GALNTL6: variants seen among roughly 807,000 people sequenced by gnomAD.
GALNTL6 encodes the protein polypeptide N-acetylgalactosaminyltransferase like 6.
A neutral mutation model predicts 73.7 loss-of-function variants in GALNTL6; 46 were observed. The observed-to-expected ratio is 0.62, with a 90% CI of 0.49 to 0.80. GALNTL6 has a LOEUF of 0.80. Among genes scored for constraint, GALNTL6 ranks in the 30% least tolerant of loss-of-function variants. The pLI is 0.00. For missense variants in GALNTL6, 604 were observed against 755.0 expected (o/e 0.80, Z 2.34); for synonymous variants, 259 against 263.7 (o/e 0.98, Z 0.17).
chr4:172,365,900 T>C (rs1742542546), intron 5 of GALNTL6, among the ~76,000 whole-genome samples: 1 of 152,026 alleles, frequency 6.6e-6, no homozygotes, highest in African/African-American at 2.4e-5. Flanking sequence ...ATCTTTGTTA[T>C]GTGCAGACCC....
At chr4:172,972,770 A>G (rs1417782890) in intron 10 of GALNTL6, among the ~76,000 whole-genome samples, 1 of 152,224 alleles carries the variant, frequency 6.6e-6, no homozygotes, top group Non-Finnish European at 1.5e-5. Context: ...CTAGAAGGGG[A>G]TCCCACTTGC....
chr4:172,302,077 C>T (rs1739951841), intron 3 of GALNTL6, among the ~76,000 whole-genome samples: 1 of 152,214 alleles, frequency 6.6e-6, no homozygotes, highest in African/African-American at 2.4e-5. Flanking sequence ...GGCGGGCACC[C>T]CTTCCCCAGC....
chr4:171,899,165 C>T (rs2110939751), intron 2 of GALNTL6, among the ~76,000 whole-genome samples: 1 of 121,646 alleles, frequency 8.2e-6, no homozygotes, highest in Admixed American at 7.8e-5. Context: ...AAAACATTTT[C>T]CAGCAGATTT....
intron 2 of GALNTL6, among the ~76,000 whole-genome samples, chr4:171,998,695 T>C (rs1230101488): frequency 1.3e-5 from 2 of 152,184 alleles, no homozygotes; most frequent in Non-Finnish European, 1.5e-5. Flanking sequence ...AAGCATGCAA[T>C]GAAAACTTCC....
intron 8 of GALNTL6, among the ~76,000 whole-genome samples, chr4:172,918,316 A>G (rs1747632679): frequency 6.6e-6 from 1 of 152,130 alleles, no homozygotes; most frequent in African/African-American, 2.4e-5. Context: ...CAGCACATGA[A>G]CACGGCACAT....
In GALNTL6 at chr4:172,300,736, T is replaced by C. The variant is rs578185189; in HGVS notation, c.248-10878T>C. Among the ~76,000 whole-genome samples the C allele has an allele frequency of 7.9e-5, 12 of 152,324 alleles. No individual in the cohort carries two copies. The South Asian group carries it at 2.5e-3, about 32-fold the overall frequency. The stretch of plus-strand genomic sequence containing the variant: ...GGCTTGTAGAGTTTCTGCCGAGATA[T>C]CAGCTGTTAGTCTGATGGGCTTCCC... On this transcript the variant is annotated intron_variant, in intron 3 of 12. Transcript: ENST00000506823.
chr4:172,833,362 G>A (rs1266760577), intron 7 of GALNTL6, among the ~76,000 whole-genome samples: 1 of 152,184 alleles, frequency 6.6e-6, no homozygotes, highest in African/African-American at 2.4e-5. Context: ...TGCTGTGAGT[G>A]GATGCCAAAG....
At chr4:173,007,535 G>A (rs1370572986) in intron 10 of GALNTL6, among the ~76,000 whole-genome samples, 1 of 152,160 alleles carries the variant, frequency 6.6e-6, no homozygotes, top group Admixed American at 6.5e-5. Context: ...GGCCAGGCGT[G>A]GTGGCTCACA....
chr4:172,758,316 C>T (rs1417657790), intron 5 of GALNTL6, among the ~76,000 whole-genome samples: 1 of 152,164 alleles, frequency 6.6e-6, no homozygotes, highest in Non-Finnish European at 1.5e-5. Flanking sequence ...AGGTGGATCA[C>T]CTGAGGTCAG....
At chr4:172,676,227 A>G (rs1457571332) in intron 5 of GALNTL6, among the ~76,000 whole-genome samples, 1 of 152,228 alleles carries the variant, frequency 6.6e-6, no homozygotes, top group African/African-American at 2.4e-5. Context: ...GAATACAAGG[A>G]CATTTATAAA....
chr4:172,252,902 T>C (rs1186141329), intron 3 of GALNTL6, among the ~76,000 whole-genome samples: 2 of 151,670 alleles, frequency 1.3e-5, no homozygotes, highest in Admixed American at 1.3e-4. Context: ...AAAAAAACAC[T>C]AAATAATATA....
intron 2 of GALNTL6, among the ~76,000 whole-genome samples, chr4:172,062,740 C>T (rs1344119733): frequency 1.3e-5 from 2 of 152,182 alleles, no homozygotes; most frequent in African/African-American, 4.8e-5. Context: ...TTGCCCTGTG[C>T]TCCATGAAAT....
chr4:172,080,057 C>T (rs1374784422), intron 2 of GALNTL6, among the ~76,000 whole-genome samples: 1 of 152,128 alleles, frequency 6.6e-6, no homozygotes, highest in Non-Finnish European at 1.5e-5. Flanking sequence ...ATCTATAGCA[C>T]TTTCCTTTTA....
intron 2 of GALNTL6, among the ~76,000 whole-genome samples, chr4:172,135,387 G>T (rs1187077267): frequency 6.7e-6 from 1 of 149,254 alleles, no homozygotes; most frequent in Admixed American, 6.8e-5. Flanking sequence ...ACCCATAAAA[G>T]GAACTCTGTA....
chr4:171,940,492 T>C (rs1738496627), intron 2 of GALNTL6, among the ~76,000 whole-genome samples: 1 of 152,070 alleles, frequency 6.6e-6, no homozygotes, highest in African/African-American at 2.4e-5. Context: ...AACCAAACAA[T>C]ATTGCTCTTG....
chr4:172,207,061 C>T (rs185055073), intron 2 of GALNTL6, among the ~76,000 whole-genome samples: 3 of 151,530 alleles, frequency 2.0e-5, no homozygotes, highest in Admixed American at 6.6e-5. Flanking sequence ...TCGTGATCCG[C>T]CCCCCTTGGC....
At chr4:172,015,642 A>T (rs566429326) in intron 2 of GALNTL6, among the ~76,000 whole-genome samples, 55 of 152,034 alleles carry the variant, frequency 3.6e-4, no homozygotes, top group Non-Finnish European at 6.3e-4. Flanking sequence ...GCCATGTGAG[A>T]TTTATTCTTT....
intron 2 of GALNTL6, among the ~76,000 whole-genome samples, chr4:171,908,136 C>T (rs1369331263): frequency 6.6e-6 from 1 of 152,168 alleles, no homozygotes; most frequent in Non-Finnish European, 1.5e-5. Context: ...AAAGCCAAAA[C>T]TGACAAATGG....
At chr4:172,380,109 C>T in intron 5 of GALNTL6, 2 of 991,454 alleles carry the variant, frequency 2.0e-6, no homozygotes, top group Non-Finnish European at 1.6e-6. Flanking sequence ...TTCCACTGCT[C>T]CTCTGCATCA....
Sources: gnomAD v4.1 joint callset for allele counts (sites outside exome capture counted in the v4.1 genomes callset) on GRCh38, gnomAD v4.1.1 for gene constraint, MANE v1.5 for transcripts, NCBI Gene and HGNC (gene_info 2026-07-23, HGNC 2026-07-21) for gene names.